Variants in GRM3 observed in about 807,000 individuals in gnomAD.
GRM3 encodes glutamate metabotropic receptor 3.
In GRM3, 26 loss-of-function variants were observed where a neutral mutation model predicts 70.5. The ratio of observed to expected loss-of-function variants is 0.37; its 90% CI spans 0.27 to 0.51. The LOEUF (loss-of-function observed/expected upper bound fraction) is 0.51. Among genes scored for constraint, GRM3 ranks in the 20% least tolerant of loss-of-function variants. The pLI is 0.93. For missense variants in GRM3, 859 were observed against 1,123.8 expected, an observed-to-expected ratio of 0.76 and a Z score of 3.37; for synonymous variants, 443 against 434.9, an observed-to-expected ratio of 1.02 and a Z score of -0.23.
At chr7:86,690,720 G>A (rs1460620297) in intron 1 of GRM3, among the ~76,000 whole-genome samples, 1 of 151,998 alleles carries the variant, frequency 6.6e-6, no homozygotes, top group Non-Finnish European at 1.5e-5. Flanking sequence ...TTTGCCGAGT[G>A]GGAATCAAGA....
chr7:86,735,875 C>A (rs1353048556), intron 1 of GRM3, among the ~76,000 whole-genome samples: 1 of 152,166 alleles, frequency 6.6e-6, no homozygotes, highest in African/African-American at 2.4e-5. Flanking sequence ...TTTGAAAACA[C>A]TCAAATTGTA....
intron 2 of GRM3, among the ~76,000 whole-genome samples, chr7:86,773,119 A>G (rs1796788622): frequency 6.6e-6 from 1 of 152,012 alleles, no homozygotes; most frequent in South Asian, 2.1e-4. Context: ...CATAGTATCC[A>G]GTGGGTAGCT....
chr7:86,775,663 T>C (rs955838249), intron 2 of GRM3, among the ~76,000 whole-genome samples: 1 of 152,154 alleles, frequency 6.6e-6, no homozygotes, highest in Non-Finnish European at 1.5e-5. Flanking sequence ...CCACCATCCC[T>C]CTATCCTTCT....
At chr7:86,714,866 G>T (rs75869007) in intron 1 of GRM3, among the ~76,000 whole-genome samples, 3,511 of 151,998 alleles carry the variant, frequency 0.023, 72 homozygotes, top group East Asian at 0.063. Flanking sequence ...TTAAAGAGGT[G>T]AAAATTATAA....
intron 1 of GRM3, among the ~76,000 whole-genome samples, chr7:86,666,999 A>G (rs1794044125): frequency 6.6e-6 from 1 of 152,126 alleles, no homozygotes; most frequent in Admixed American, 6.6e-5. Context: ...GGGAACATTT[A>G]TATAAAGCAT....
At chr7:86,834,085 C>G (rs1455025503) in intron 3 of GRM3, among the ~76,000 whole-genome samples, 1 of 152,120 alleles carries the variant, frequency 6.6e-6, no homozygotes, top group Non-Finnish European at 1.5e-5. Flanking sequence ...TCTGCCTGAC[C>G]TTGCTTAATT....
chr7:86,783,024 AGTT>A (rs1797115496), intron 2 of GRM3, among the ~76,000 whole-genome samples: 1 of 152,142 alleles, frequency 6.6e-6, no homozygotes, highest in Admixed American at 6.5e-5. Context: ...CCAGTGTAGG[AGTT>A]CCTTTATTTC....
intron 1 of GRM3, among the ~76,000 whole-genome samples, chr7:86,759,363 T>G (rs1318111901): frequency 6.6e-6 from 1 of 152,210 alleles, no homozygotes; most frequent in Non-Finnish European, 1.5e-5. Context: ...GGGCCAAAGT[T>G]GAATTTTGCC....
At chr7:86,812,053 T>A (rs1185510520) in intron 3 of GRM3, among the ~76,000 whole-genome samples, 1 of 151,754 alleles carries the variant, frequency 6.6e-6, no homozygotes, top group Non-Finnish European at 1.5e-5. Context: ...CCCACTCTAC[T>A]GAACCAAATG....
chr7:86,837,748 A>G (rs1798486071), intron 3 of GRM3, among the ~76,000 whole-genome samples: 1 of 152,128 alleles, frequency 6.6e-6, no homozygotes, highest in African/African-American at 2.4e-5. Context: ...AGCAACCAAA[A>G]TCTTAGACTG....
chr7:86,774,238 T>A (rs781342470), intron 2 of GRM3, among the ~76,000 whole-genome samples: 1 of 152,128 alleles, frequency 6.6e-6, no homozygotes, highest in Non-Finnish European at 1.5e-5. Context: ...TTTATAATAA[T>A]GAAGGTCCAT....
rs141212102 is a variant in GRM3 at position 86,714,150 on chromosome 7, C to T, written c.-140-50856C>T. On this transcript the variant is annotated intron_variant, in intron 1 of 5. Transcript: ENST00000361669. ...TGTCTGGCATCATTCTCATGCTCTCCTAGCTTTCTCCAGTTATCTCTCCAT... is the reference window on the plus strand; with the variant it reads ...TGTCTGGCATCATTCTCATGCTCTCTTAGCTTTCTCCAGTTATCTCTCCAT... Among the ~76,000 whole-genome samples, 278 of 152,134 alleles carry T rather than the reference C, an allele frequency of 1.8e-3. 1 individual carries two copies. Among genetic ancestry groups the T allele is most frequent in the African/African-American group, 6.3e-3 (260 of 41,536 alleles).
At chr7:86,667,379 T>C (rs1227236075) in intron 1 of GRM3, among the ~76,000 whole-genome samples, 2 of 152,116 alleles carry the variant, frequency 1.3e-5, no homozygotes, top group East Asian at 3.9e-4. Flanking sequence ...CCAGTGTATA[T>C]CACAGTAAGA....
intron 1 of GRM3, among the ~76,000 whole-genome samples, chr7:86,651,262 G>C (rs1793598751): frequency 6.6e-6 from 1 of 152,180 alleles, no homozygotes; most frequent in South Asian, 2.1e-4. Context: ...TCTCTGATTT[G>C]TGATATGTGC....
chr7:86,735,795 A>C (rs62488004), intron 1 of GRM3, among the ~76,000 whole-genome samples: 2,643 of 152,322 alleles, frequency 0.017, 30 homozygotes, highest in Non-Finnish European at 0.026. Flanking sequence ...TTTACCATAA[A>C]GACTTCAATA....
chr7:86,752,250 A>G (rs1796247723), intron 1 of GRM3, among the ~76,000 whole-genome samples: 1 of 152,124 alleles, frequency 6.6e-6, no homozygotes, highest in African/African-American at 2.4e-5. Context: ...AGGCTTTTAT[A>G]TAAATGGATT....
At chr7:86,811,156 T>A (rs1797901092) in intron 3 of GRM3, among the ~76,000 whole-genome samples, 1 of 151,902 alleles carries the variant, frequency 6.6e-6, no homozygotes, top group Non-Finnish European at 1.5e-5. Flanking sequence ...AACCATAAAT[T>A]TTTGTTTACA....
At chr7:86,656,889 G>A in intron 1 of GRM3, among the ~76,000 whole-genome samples, 1 of 152,070 alleles carries the variant, frequency 6.6e-6, no homozygotes, top group East Asian at 1.9e-4. Flanking sequence ...TGGTTTTTCT[G>A]ACTAGAATTA....
intron 1 of GRM3, among the ~76,000 whole-genome samples, chr7:86,673,840 T>C (rs1000232914): frequency 6.6e-6 from 1 of 152,264 alleles, no homozygotes; most frequent in East Asian, 1.9e-4. Flanking sequence ...CCTTCTTCTA[T>C]AACCATACTT....
Sources: gnomAD v4.1 joint callset for allele counts (sites outside exome capture counted in the v4.1 genomes callset) on GRCh38, gnomAD v4.1.1 for gene constraint, MANE v1.5 for transcripts, NCBI Gene and HGNC (gene_info 2026-07-23, HGNC 2026-07-21) for gene names.